SGCD: variants seen among roughly 807,000 people sequenced by gnomAD.
SGCD encodes the protein sarcoglycan delta.
In SGCD, 18 loss-of-function variants were observed where a neutral mutation model predicts 36.6. That is an observed-to-expected ratio of 0.49 (90% CI 0.34 to 0.73). SGCD has a LOEUF of 0.73. Ranked by LOEUF, SGCD falls within the 30% of genes least tolerant of loss-of-function variation. The pLI is 0.01. For missense variants in SGCD, 387 were observed against 346.7 expected (o/e 1.12, Z -0.92); for synonymous variants, 133 against 130.6 (o/e 1.02, Z -0.12).
At chr5:156,739,528 G>A (rs535643824) in intron 7 of SGCD, 1 of 152,232 alleles carries the variant, frequency 6.6e-6, no homozygotes, top group East Asian at 1.9e-4. Context: ...TTTCCTGCAG[G>A]GTAGGATGAC....
chr5:155,884,367 GC>G (rs1328314625), intron 1 of SGCD, among the ~76,000 whole-genome samples: 1 of 152,168 alleles, frequency 6.6e-6, no homozygotes, highest in East Asian at 1.9e-4. Flanking sequence ...AGCAAGTCCT[GC>G]CCCGTTCTCT....
At chr5:156,699,819 G>A (rs1254753616) in intron 7 of SGCD, among the ~76,000 whole-genome samples, 2 of 152,170 alleles carry the variant, frequency 1.3e-5, no homozygotes, top group Admixed American at 6.5e-5. Context: ...GAGAGCTCTT[G>A]AGAAATATTC....
intron 4 of SGCD, among the ~76,000 whole-genome samples, chr5:156,549,752 CAG>C (rs1273944879): frequency 6.6e-6 from 1 of 152,224 alleles, no homozygotes; most frequent in Non-Finnish European, 1.5e-5. Context: ...CCTAAACTCA[CAG>C]AGTCAATAAG....
intron 6 of SGCD, among the ~76,000 whole-genome samples, chr5:156,598,965 A>G (rs189622021): frequency 5.5e-4 from 84 of 152,368 alleles, no homozygotes; most frequent in Admixed American, 5.2e-3. Flanking sequence ...GTCTCTCTTC[A>G]TCATTAGGAA....
the SGCD span, among the ~76,000 whole-genome samples, chr5:155,795,603 G>A: frequency 2.0e-5 from 3 of 151,918 alleles, no homozygotes; most frequent in African/African-American, 7.3e-5. Context: ...GAACAATTGA[G>A]TACAATAAAA....
chr5:156,034,405 C>A (rs972768198), intron 1 of SGCD, among the ~76,000 whole-genome samples: 1 of 152,168 alleles, frequency 6.6e-6, no homozygotes, highest in Non-Finnish European at 1.5e-5. Flanking sequence ...GAAATCAGGT[C>A]ATGTAATTAG....
chr5:155,855,162 A>G, the SGCD span, among the ~76,000 whole-genome samples: 1 of 152,066 alleles, frequency 6.6e-6, no homozygotes, highest in African/African-American at 2.4e-5. Flanking sequence ...GGTGTTAGGG[A>G]CTGCCCTGCC....
intron 1 of SGCD, among the ~76,000 whole-genome samples, chr5:156,085,486 C>T (rs1480900229): frequency 1.3e-5 from 2 of 152,152 alleles, no homozygotes; most frequent in Non-Finnish European, 2.9e-5. Context: ...TGAGTAAAAG[C>T]TCCCTGAGGC....
chr5:156,622,852 G>A (rs73299202), intron 6 of SGCD, among the ~76,000 whole-genome samples: 5,402 of 152,128 alleles, frequency 0.036, 315 homozygotes, highest in African/African-American at 0.12. Flanking sequence ...GGAAAGAACG[G>A]TGGGAGAAGA....
intron 3 of SGCD, among the ~76,000 whole-genome samples, chr5:156,214,777 C>T (rs1254043212): frequency 6.6e-6 from 1 of 151,944 alleles, no homozygotes; most frequent in Non-Finnish European, 1.5e-5. Flanking sequence ...GGAATAGAGA[C>T]TCCAGAAATA....
chr5:156,491,039 A>G (rs2127849286), intron 3 of SGCD, among the ~76,000 whole-genome samples: 1 of 152,224 alleles, frequency 6.6e-6, no homozygotes, highest in Admixed American at 6.5e-5. Context: ...ATTTCTAAAC[A>G]CCAATAGAAA....
the SGCD span, among the ~76,000 whole-genome samples, chr5:155,835,387 G>A: frequency 5.0e-4 from 76 of 152,190 alleles, no homozygotes; most frequent in Middle Eastern, 3.4e-3. Flanking sequence ...ACAATCTACA[G>A]AAATACAAAT....
chr5:156,454,917 TA>T (rs1187303503), intron 3 of SGCD, among the ~76,000 whole-genome samples: 2 of 152,140 alleles, frequency 1.3e-5, no homozygotes, highest in Non-Finnish European at 2.9e-5. Flanking sequence ...GAAGTCCTCA[TA>T]CCTGCAATGC....
chr5:156,629,289 G>A (rs568198487), intron 6 of SGCD, among the ~76,000 whole-genome samples: 24 of 152,306 alleles, frequency 1.6e-4, no homozygotes, highest in African/African-American at 5.5e-4. Flanking sequence ...GACTTGAGCA[G>A]GATTGCTGAT....
chr5:156,723,632 C>T (rs1170819842), intron 7 of SGCD, among the ~76,000 whole-genome samples: 1 of 152,180 alleles, frequency 6.6e-6, no homozygotes, highest in African/African-American at 2.4e-5. Context: ...AGGAGGAAAG[C>T]CTCCCCTGAG....
chr5:156,128,046 A>G (rs1308349060), intron 3 of SGCD, among the ~76,000 whole-genome samples: 1 of 152,082 alleles, frequency 6.6e-6, no homozygotes, highest in Admixed American at 6.6e-5. Flanking sequence ...CCAAGAAAAT[A>G]AAGAGATGGA....
At chr5:156,647,317 C>G (rs1313022177) in intron 6 of SGCD, 147 bp from the exon 7 acceptor site, 6 of 533,414 alleles carry the variant, frequency 1.1e-5, no homozygotes, top group Non-Finnish European at 2.0e-5. Context: ...GCTTTCCTAT[C>G]ATGGAGCTCT....
At chr5:155,774,563 T>G in the SGCD span, among the ~76,000 whole-genome samples, 2 of 152,132 alleles carry the variant, frequency 1.3e-5, no homozygotes, top group Non-Finnish European at 2.9e-5. Context: ...AAAATCCATG[T>G]TCCTGGCTTT....
intron 6 of SGCD, among the ~76,000 whole-genome samples, chr5:156,635,433 G>A (rs1387306471): frequency 1.3e-5 from 2 of 152,132 alleles, no homozygotes; most frequent in African/African-American, 4.8e-5. Flanking sequence ...TTACACTGTT[G>A]GTGGGACTGT....
Sources: gnomAD v4.1 joint callset for allele counts (sites outside exome capture counted in the v4.1 genomes callset) on GRCh38, gnomAD v4.1.1 for gene constraint, MANE v1.5 for transcripts, NCBI Gene and HGNC (gene_info 2026-07-23, HGNC 2026-07-21) for gene names.